Variants in GRTP1 observed in about 807,000 individuals in gnomAD.
GRTP1 encodes growth hormone-regulated TBC protein 1.
In GRTP1, 56 loss-of-function variants were observed where a neutral mutation model predicts 38.1. The observed-to-expected ratio is 1.47, with a 90% CI of 1.19 to 1.84. The LOEUF is 1.84. GRTP1 is among the 40% of genes most tolerant of loss of function. GRTP1 has a pLI of 0.00. For missense variants in GRTP1, 506 were observed against 453.9 expected (o/e 1.11, Z -1.04); for synonymous variants, 217 against 189.5 (o/e 1.14, Z -1.19).
At chr13:113,346,577 GCCGAGAACAGACCCGGGAGGACCT>G (rs2043141627) in intron 4 of GRTP1, among the ~76,000 whole-genome samples, 2 of 16,036 alleles carry the variant, frequency 1.2e-4, no homozygotes, top group African/African-American at 1.4e-4. Context: ...GACCTCTGTG[GCCGAGAACAGACCCGGGAGGACCT>G]CTGTGCCTGA....
rs1427108251 is a variant in GRTP1 at position 113,349,990 on chromosome 13, C to T, written c.465+859G>A. On this transcript the variant is annotated intron_variant, in intron 4 of 7. Coordinates refer to ENST00000375431, the MANE Select transcript of GRTP1 (RefSeq NM_024719.4). The surrounding 1 kb of genome is among the most constrained non-coding windows in gnomAD (Gnocchi z 5.0). ...CATGGCCTAAAATGCCAGGAACGCA[C>T]TCTCCAATCCCGGTGGCAGCCGTGG... is the stretch of plus-strand genomic sequence containing the variant. Among the ~76,000 whole-genome samples the T allele has an allele frequency of 6.6e-6, 1 of 152,162 alleles. No homozygotes were observed. Among genetic ancestry groups the T allele is most frequent in the Non-Finnish European group, 1.5e-5 (1 of 68,022 alleles).
At chr13:113,358,131 G>A (rs1203653809) in intron 2 of GRTP1, among the ~76,000 whole-genome samples, 1 of 152,156 alleles carries the variant, frequency 6.6e-6, no homozygotes, top group East Asian at 1.9e-4. Context: ...GCAGTGAGCT[G>A]AGATTGCACC....
intron 2 of GRTP1, chr13:113,361,826 G>A (rs566906082): frequency 3.9e-5 from 6 of 152,256 alleles, no homozygotes; most frequent in African/African-American, 7.2e-5. Flanking sequence ...ATACTTTTAC[G>A]TTACTTTTTA....
intron 3 of GRTP1, among the ~76,000 whole-genome samples, chr13:113,352,362 A>ATATTTATATATATTTATATATATTT: frequency 1.2e-5 from 1 of 80,804 alleles, no homozygotes; most frequent in African/African-American, 5.6e-5. Context: ...TATATATTTT[A>ATATTTATATATATTTATATATATTT]TATATATATA....
At chr13:113,325,342 C>A in intron 7 of GRTP1, 2 of 1,410,418 alleles carry the variant, frequency 1.4e-6, no homozygotes, top group South Asian at 3.3e-5. Context: ...ACGGCCTGCG[C>A]CAGGTCCAGG....
intron 5 of GRTP1, among the ~76,000 whole-genome samples, chr13:113,329,976 G>A (rs973080663): frequency 1.3e-5 from 2 of 152,240 alleles, no homozygotes; most frequent in African/African-American, 4.8e-5. Flanking sequence ...TGGAAAACCA[G>A]GTGTGTGCAT....
In GRTP1 at chr13:113,343,723, C is replaced by G. The variant is rs76911405; in HGVS notation, c.562+1140G>C. ...AGCTCAGCAGGAAACTGACACATGC[C>G]GTGTGCTCACCAGGCAGGAGCTGGA... On this transcript the variant is annotated intron_variant, in intron 5 of 7. Coordinates refer to ENST00000375431, the MANE Select transcript of GRTP1 (RefSeq NM_024719.4). The surrounding 1 kb of genome is among the most constrained non-coding windows in gnomAD (Gnocchi z 4.8). Among the ~76,000 whole-genome samples, 515 of 152,320 alleles carry G rather than the reference C, an allele frequency of 3.4e-3. 1 individual carries two copies. Among genetic ancestry groups the G allele is most frequent in the African/African-American group, 0.012 (495 of 41,566 alleles).
chr13:113,363,628 G>T (rs2043541606), intron 2 of GRTP1, 134 bp downstream of exon 2: 1 of 923,430 alleles, frequency 1.1e-6, no homozygotes, highest in Non-Finnish European at 1.6e-6. Flanking sequence ...CTAGCTCGGA[G>T]CCCGCAGCTT....
At chr13:113,329,349 G>A (rs1365125132) in intron 5 of GRTP1, among the ~76,000 whole-genome samples, 7 of 152,134 alleles carry the variant, frequency 4.6e-5, no homozygotes, top group Non-Finnish European at 7.4e-5. Context: ...AGGCTGAGAC[G>A]GGTAGATCAC....
chr13:113,327,316 C>T (rs1439240982), intron 5 of GRTP1, among the ~76,000 whole-genome samples: 5 of 152,120 alleles, frequency 3.3e-5, no homozygotes, highest in Non-Finnish European at 7.4e-5. Flanking sequence ...GTAGCTGGGA[C>T]TACAGGTGCT....
intron 5 of GRTP1, among the ~76,000 whole-genome samples, chr13:113,333,249 A>G (rs1051791993): frequency 6.6e-6 from 1 of 152,188 alleles, no homozygotes; most frequent in African/African-American, 2.4e-5. Context: ...GAAGGGGCCC[A>G]AGGGTTCCTC....
chr13:113,345,045 G>C, intron 4 of GRTP1, 86 bp from the exon 5 acceptor site: 1 of 1,452,624 alleles, frequency 6.9e-7, no homozygotes, highest in Non-Finnish European at 9.1e-7. Flanking sequence ...AAACTACCCA[G>C]TTTCCATTTC....
chr13:113,335,320 G>A (rs889371965), intron 5 of GRTP1, among the ~76,000 whole-genome samples: 26 of 151,774 alleles, frequency 1.7e-4, no homozygotes, highest in Non-Finnish European at 3.1e-4. Flanking sequence ...CTACTTGGGA[G>A]GCTGAGGCAG....
chr13:113,327,271 TG>T (rs753944426), intron 5 of GRTP1, among the ~76,000 whole-genome samples: 3 of 152,190 alleles, frequency 2.0e-5, no homozygotes, highest in Non-Finnish European at 4.4e-5. Context: ...CTCTGCCTCC[TG>T]GGTTCAAGCA....
At position 113,346,103 on chromosome 13, in the gene GRTP1, C is replaced by A. The variant is rs61966590; in HGVS notation, c.466-1144G>T. 4.8e-3 allele frequency among the ~76,000 whole-genome samples: 220 copies of A among 45,598 alleles called. 3 individuals are homozygous for A. The highest frequency in any genetic ancestry group is 6.3e-3 in the Non-Finnish European group (151 of 23,840). 29.9% of individuals were successfully genotyped at this position (45,598 alleles called of 152,430 possible). A position where few individuals can be genotyped will look rare whatever the true frequency, so the allele number is the denominator to read the frequency against. On this transcript the variant is annotated intron_variant, in intron 4 of 7. Transcript: ENST00000375431. ...GCAGACCTGGGAAGACATCTGTGGC[C>A]GAGAACAGACCCGGGAGGACCTCTG...
chr13:113,341,434 T>C (rs2043024781), intron 5 of GRTP1, among the ~76,000 whole-genome samples: 1 of 152,058 alleles, frequency 6.6e-6, no homozygotes, highest in Admixed American at 6.6e-5. Flanking sequence ...GCCCAGCTAA[T>C]TTTTGTATTT....
Position 113,326,065 on chromosome 13 carries a change from G to A in GRTP1, c.589C>T (p.Leu197=), listed in dbSNP as rs747589660. 4.3e-6 allele frequency: 7 copies of A among 1,610,804 alleles called. No individual in the cohort carries two copies. Among genetic ancestry groups the A allele is most frequent in the Middle Eastern group, 3.3e-4 (2 of 6,084 alleles). ...PDYYSPAMLG[L]KTDQEVLGEL... ...CCGAGGACCTCCTGGTCGGTCTTCA[G>A]GCCCAGCATGGCCGGGCTGTAGTAA... Residue 197 remains leucine (L), a synonymous_variant, in exon 6 of 8, where the codon CTG becomes TTG. Coordinates refer to ENST00000375431, the MANE Select transcript of GRTP1 (RefSeq NM_024719.4).
intron 5 of GRTP1, among the ~76,000 whole-genome samples, chr13:113,335,338 G>A (rs1410776719): frequency 6.6e-6 from 1 of 151,312 alleles, no homozygotes; most frequent in African/African-American, 2.4e-5. Context: ...CAGGAGAATC[G>A]CTTGAACCCA....
intron 5 of GRTP1, among the ~76,000 whole-genome samples, chr13:113,334,280 A>ACTGGCCCCCCCCCCCCCCCCCCCCG (rs1202504022): frequency 7.0e-6 from 1 of 142,484 alleles, no homozygotes; most frequent in Non-Finnish European, 1.5e-5. Context: ...CACTGCCACG[A>ACTGGCCCCCCCCCCCCCCCCCCCCG]CAGCCTCCCG....
Sources: gnomAD v4.1 joint callset for allele counts (sites outside exome capture counted in the v4.1 genomes callset) on GRCh38, gnomAD v4.1.1 for gene constraint, Gnocchi (gnomAD v3.1) non-coding constraint, MANE v1.5 for transcripts, NCBI Gene and HGNC (gene_info 2026-07-23, HGNC 2026-07-21) for gene names.